Variants in ZNHIT3 observed in about 807,000 individuals in gnomAD.
ZNHIT3 encodes the protein zinc finger HIT domain-containing protein 3.
Under a neutral mutation model 19.9 loss-of-function variants are expected in ZNHIT3, and 27 were observed. That is an observed-to-expected ratio of 1.36 (90% CI 1.00 to 1.87). The LOEUF (loss-of-function observed/expected upper bound fraction) is 1.87. ZNHIT3 is among the 40% of genes most tolerant of loss of function. ZNHIT3 has a pLI of 0.00. For synonymous variants in ZNHIT3, 81 were observed against 65.7 expected (o/e 1.23, Z -1.13); for missense variants, 215 against 185.6 (o/e 1.16, Z -0.92).
rs1039632406 is a variant in ZNHIT3, at chr17:36,495,751, A to G, written c.*347A>G. On this transcript the variant is annotated 3_prime_UTR_variant, in exon 5 of 5. Transcript: ENST00000617429. ...GTTAATAAAATCAAAACGTGATTCT[A>G]CTGTACATTGCATTATTCATAATTT... is the stretch of plus-strand genomic sequence containing the variant. 16 of 1,248,018 alleles carry G rather than the reference A, an allele frequency of 1.3e-5. No individual in the cohort carries two copies. The African/African-American group carries it at 1.9e-4, about 14-fold the overall frequency. The allele number at this position is 1,248,018 out of a possible 1,614,324, so 77.3% of individuals were successfully genotyped here. A position where few individuals can be genotyped will look rare whatever the true frequency, so the allele number is the denominator to read the frequency against.
chr17:36,487,753 TGCACTCCAGCCTGG>T (rs1272362390), intron 2 of ZNHIT3, among the ~76,000 whole-genome samples: 3 of 147,240 alleles, frequency 2.0e-5, no homozygotes, highest in Non-Finnish European at 4.5e-5. Context: ...ATCGCACCAC[TGCACTCCAGCCTGG>T]GCTACAGAGC....
At chr17:36,496,163 G>T, downstream of ZNHIT3, 1 of 1,520,106 alleles carries the variant, frequency 6.6e-7, no homozygotes, top group South Asian at 1.2e-5. Flanking sequence ...GAGCACTGTG[G>T]GAATAGTCTG....
downstream of ZNHIT3, chr17:36,499,138 C>A (rs1469785537): frequency 2.5e-6 from 4 of 1,608,358 alleles, no homozygotes; most frequent in Non-Finnish European, 3.4e-6. Context: ...GGATGTGTTT[C>A]CGAGTTAACC....
intron 4 of ZNHIT3, among the ~76,000 whole-genome samples, chr17:36,494,753 A>G (rs1027460876): frequency 1.3e-5 from 2 of 152,166 alleles, no homozygotes; most frequent in Admixed American, 6.6e-5. Flanking sequence ...CTGCATGCCA[A>G]ATGGCATGCT....
chr17:36,488,013 G>C (rs1424060090), intron 2 of ZNHIT3, among the ~76,000 whole-genome samples: 1 of 149,244 alleles, frequency 6.7e-6, no homozygotes, highest in Non-Finnish European at 1.5e-5. Flanking sequence ...TGGGAAGATC[G>C]CTTGAGCCTG....
downstream of ZNHIT3, chr17:36,498,397 C>T: frequency 1.2e-6 from 2 of 1,613,988 alleles, no homozygotes; most frequent in Non-Finnish European, 1.7e-6. Flanking sequence ...CTGCCTACAC[C>T]CATAGCCGTA....
chr17:36,490,373 T>G (rs1280152288), intron 2 of ZNHIT3: 1 of 152,252 alleles, frequency 6.6e-6, no homozygotes, highest in Non-Finnish European at 1.5e-5. Context: ...TTGGTGCCTT[T>G]GTGAAAAGTC....
downstream of ZNHIT3, chr17:36,498,571 A>G: frequency 6.2e-7 from 1 of 1,603,888 alleles, no homozygotes; most frequent in Non-Finnish European, 8.5e-7. Flanking sequence ...TTAAAAAGCA[A>G]ATATCCCTTT....
In ZNHIT3 at chr17:36,495,264, C is replaced by G; in HGVS notation, c.328C>G (p.Leu110Val). 1 of 1,611,586 alleles carries G rather than the reference C, an allele frequency of 6.2e-7. No individual in the cohort carries two copies. The highest frequency in any genetic ancestry group is 1.1e-5 in the South Asian group (1 of 90,576). Residue 110 changes from leucine to valine, a missense_variant, in exon 5 of 5, where the codon CTC (leucine) becomes GTC (valine). Transcript: ENST00000617429. ...TLRSLLLNPH[L>V]RQLMVNLDQG... ...AAGAAGCTTATTGCTCAATCCACAC[C>G]TCAGGCAGTTGATGGTCAACCTCGA...
At chr17:36,493,121 CAG>C (rs1028574234) in intron 3 of ZNHIT3, 6 of 587,166 alleles carry the variant, frequency 1.0e-5, no homozygotes, top group African/African-American at 7.5e-5. Context: ...GGGCAGAAGA[CAG>C]AGATGAGAAA....
At chr17:36,492,483 C>A (rs969290651) in intron 2 of ZNHIT3, 1 of 266,388 alleles carries the variant, frequency 3.8e-6, no homozygotes, top group Non-Finnish European at 7.0e-6. Flanking sequence ...TGGTTTTGCC[C>A]CTAGTTTTAT....
Position 36,495,603 on chromosome 17 carries a change from C to T in ZNHIT3, c.*199C>T. ...ACTTGGGGTCCTTAAGGTGGCAAGT[C>T]CTTTATGGAGAGAAAACTTGACATT... On this transcript the variant is annotated 3_prime_UTR_variant, in exon 5 of 5. Coordinates refer to ENST00000617429, the MANE Select transcript of ZNHIT3 (RefSeq NM_004773.4). 3 of 1,286,750 alleles carry T rather than the reference C, an allele frequency of 2.3e-6. No homozygotes were observed. Among genetic ancestry groups the T allele is most frequent in the African/African-American group, 1.5e-5 (1 of 65,866 alleles). The allele number at this position is 1,286,750 out of a possible 1,614,324, so 79.7% of individuals were successfully genotyped here.
rs755319984 is a variant in ZNHIT3, at chr17:36,495,337, C to T, written c.401C>T (p.Pro134Leu). 2.5e-6 allele frequency: 4 copies of T among 1,613,488 alleles called. No individual in the cohort carries two copies. Among genetic ancestry groups the T allele is most frequent in the Non-Finnish European group, 2.5e-6 (3 of 1,179,902 alleles). Reference sequence around the variant, plus strand: ...CTCATGAGAGCTTACATGCAAGAGCCTTTGTTTGTGGAGTTTGCAGACTGC... The same window carrying T: ...CTCATGAGAGCTTACATGCAAGAGCTTTTGTTTGTGGAGTTTGCAGACTGC... ...AKLMRAYMQE[P>L]LFVEFADCCL... Residue 134 changes from proline (P) to leucine (L), a missense_variant, in exon 5 of 5, where the codon CCT becomes CTT. Coordinates refer to ENST00000617429, the MANE Select transcript of ZNHIT3 (RefSeq NM_004773.4).
chr17:36,488,555 A>T lies in ZNHIT3; in HGVS notation c.118+1589A>T, dbSNP rs112699235. Among the ~76,000 whole-genome samples the T allele has an allele frequency of 6.6e-4, 100 of 152,262 alleles. 1 individual carries two copies. The highest frequency in any genetic ancestry group is 2.1e-3 in the African/African-American group (86 of 41,538). ...GTGAGACTCCATCTAAAAAAAAATT[A>T]AAAAAATTAAAAATAAAGACTAGTG... On this transcript the variant is annotated intron_variant, in intron 2 of 4. Coordinates refer to ENST00000617429, the MANE Select transcript of ZNHIT3 (RefSeq NM_004773.4).
At chr17:36,488,575 CTA>C (rs1319500911) in intron 2 of ZNHIT3, among the ~76,000 whole-genome samples, 17 of 152,162 alleles carry the variant, frequency 1.1e-4, no homozygotes, top group African/African-American at 4.1e-4. Flanking sequence ...AAAATAAAGA[CTA>C]GTGCATACAA....
chr17:36,490,347 T>TC (rs1379371660), intron 2 of ZNHIT3: 1 of 152,250 alleles, frequency 6.6e-6, no homozygotes, highest in African/African-American at 2.4e-5. Context: ...AGTGCTTTTT[T>TC]CCCCAGTATA....
downstream of ZNHIT3, chr17:36,498,072 T>C: frequency 3.4e-6 from 2 of 585,204 alleles, no homozygotes; most frequent in Non-Finnish European, 2.9e-6. Context: ...TAAAGGGCTC[T>C]GGAAGATTCC....
downstream of ZNHIT3, chr17:36,499,182 A>G (rs368337082): frequency 1.3e-6 from 2 of 1,579,046 alleles, no homozygotes; most frequent in African/African-American, 2.7e-5. Flanking sequence ...GCCCAGAAAC[A>G]GGAAAGAGAT....
At chr17:36,494,266 A>T (rs1305678955) in intron 4 of ZNHIT3, among the ~76,000 whole-genome samples, 1 of 152,176 alleles carries the variant, frequency 6.6e-6, no homozygotes, top group Non-Finnish European at 1.5e-5. Flanking sequence ...TTCTTCACTC[A>T]GCTAAGCTTT....
Sources: allele counts gnomAD v4.1 joint callset (sites outside exome capture counted in the v4.1 genomes callset), GRCh38; gene constraint gnomAD v4.1.1; transcripts MANE v1.5; gene names NCBI Gene and HGNC (gene_info 2026-07-23, HGNC 2026-07-21).